LEMD2: variants seen among roughly 807,000 people sequenced by gnomAD.
LEMD2 encodes the protein LEM domain-containing protein 2.
Under a neutral mutation model 58.8 loss-of-function variants are expected in LEMD2, and 34 were observed. The ratio of observed to expected loss-of-function variants is 0.58; its 90% CI spans 0.44 to 0.77. LEMD2 has a LOEUF of 0.77. Among genes scored for constraint, LEMD2 ranks in the 30% least tolerant of loss-of-function variants. The pLI is 0.00. For missense variants in LEMD2, 629 were observed against 717.9 expected, an observed-to-expected ratio of 0.88 and a Z score of 1.42; for synonymous variants, 298 against 308.9, an observed-to-expected ratio of 0.96 and a Z score of 0.37.
intron 8 of LEMD2, 29 bp from the exon 9 acceptor site, chr6:33,772,807 G>A (rs767584179): frequency 9.4e-5 from 151 of 1,604,552 alleles, no homozygotes; most frequent in Non-Finnish European, 1.2e-4. Flanking sequence ...GGCTCTGCCT[G>A]GCACTGCCGA....
In LEMD2 at chr6:33,789,108, G is replaced by T; in HGVS notation, c.9C>A (p.Gly3=). ...CCCGCCGCAGTTCCAGGTCCGACAG[G>T]CCGGCCATGGCCAGGACGCCGCCCC... MA[G]LSDLELRREL... Residue 3 remains glycine (G), a synonymous_variant, in exon 1 of 9, where the codon GGC becomes GGA. Coordinates refer to ENST00000293760, the MANE Select transcript of LEMD2 (RefSeq NM_181336.4). 6.5e-7 allele frequency: 1 copy of T among 1,528,142 alleles called. No individual in the cohort carries two copies. Among genetic ancestry groups the T allele is most frequent in the Non-Finnish European group, 8.7e-7 (1 of 1,147,856 alleles). 94.7% of individuals were successfully genotyped at this position (1,528,142 alleles called of 1,614,324 possible). A position where few individuals can be genotyped will look rare whatever the true frequency, so the allele number is the denominator to read the frequency against.
chr6:33,775,088 T>C (rs1301638321), intron 8 of LEMD2, among the ~76,000 whole-genome samples: 1 of 152,196 alleles, frequency 6.6e-6, no homozygotes, highest in Non-Finnish European at 1.5e-5. Flanking sequence ...GAGATGCTCA[T>C]TGTCACGATA....
chr6:33,773,042 C>T (rs1004851071), intron 8 of LEMD2, among the ~76,000 whole-genome samples: 12 of 152,174 alleles, frequency 7.9e-5, no homozygotes, highest in African/African-American at 2.7e-4. Context: ...CCCAGGTCTC[C>T]AGGTGTGCAG....
In LEMD2 at chr6:33,771,989, C is replaced by T. The variant is rs1446520533; in HGVS notation, c.*639G>A. The stretch of plus-strand genomic sequence containing the variant: ...TCCTCTCTGCTCTCAGCCCCAGTCC[C>T]TACTTCGGGATCCTCCCAGGAGGCT... On this transcript the variant is annotated 3_prime_UTR_variant, in exon 9 of 9. Transcript: ENST00000293760. 6.6e-6 allele frequency: 1 copy of T among 152,574 alleles called. No homozygotes were observed. The highest frequency in any genetic ancestry group is 1.5e-5 in the Non-Finnish European group (1 of 68,160). The allele number at this position is 152,574 out of a possible 1,614,324, so 9.5% of individuals were successfully genotyped here. A position where few individuals can be genotyped will look rare whatever the true frequency, so the allele number is the denominator to read the frequency against.
intron 1 of LEMD2, chr6:33,787,003 A>C: frequency 2.1e-6 from 2 of 946,960 alleles, no homozygotes; most frequent in Non-Finnish European, 2.9e-6. Flanking sequence ...CCAGCTGAAA[A>C]TGATTAGCTC....
At chr6:33,788,326 C>T in intron 1 of LEMD2, 55 bp downstream of exon 1, 2 of 1,489,024 alleles carry the variant, frequency 1.3e-6, no homozygotes, top group Admixed American at 2.1e-5. Context: ...ACGGGGGGTC[C>T]TCCGGCGGAC....
Position 33,772,694 on chromosome 6 carries a change from A to C in LEMD2, c.1446T>G (p.Val482=). The change falls in exon 9 of 9, where the codon GTT becomes GTG. Residue 482 remains valine, a synonymous_variant. Transcript: ENST00000293760. ...TCCACACCAGCATGTCCTCTCCTGCAACGCGGTGGGACTCCGTCTGGATCC... is the reference window on the plus strand; with the variant it reads ...TCCACACCAGCATGTCCTCTCCTGCCACGCGGTGGGACTCCGTCTGGATCC... ...ESRIQTESHR[V]AGEDMLVWRW... is the part of the protein sequence containing the mutation. 1 of 1,614,090 alleles carries C rather than the reference A, an allele frequency of 6.2e-7. No homozygotes were observed. The highest frequency in any genetic ancestry group is 8.5e-7 in the Non-Finnish European group (1 of 1,180,008).
At chr6:33,788,243 G>T in intron 1 of LEMD2, 138 bp downstream of exon 1, 1 of 894,920 alleles carries the variant, frequency 1.1e-6, no homozygotes, top group Non-Finnish European at 1.6e-6. Context: ...CTGGAAGAAG[G>T]CAGGCCTGGA....
Position 33,778,628 on chromosome 6 carries a change from CT to C in LEMD2, c.1011-242del, listed in dbSNP as rs1767493882. On this transcript the variant is annotated intron_variant, in intron 5 of 8. Coordinates refer to ENST00000293760, the MANE Select transcript of LEMD2 (RefSeq NM_181336.4). The surrounding 1 kb of genome is among the most constrained non-coding windows in gnomAD (Gnocchi z 4.7). Reference sequence around the variant, plus strand: ...CCCCTACCGCTAAAGCAACGTCCCCCTGTCAGGTCTTTGACAGCCTCTCTCA... The same window carrying C: ...CCCCTACCGCTAAAGCAACGTCCCCCGTCAGGTCTTTGACAGCCTCTCTCA... 2.7e-6 allele frequency: 1 copy of C among 363,780 alleles called. No homozygotes were observed. The highest frequency in any genetic ancestry group is 4.6e-5 in the Admixed American group (1 of 21,812). The allele number at this position is 363,780 out of a possible 1,614,324, so 22.5% of individuals were successfully genotyped here.
rs1030198123 is a variant in LEMD2, at chr6:33,778,532, A to AGGAT, written c.1011-146_1011-145insATCC. The AGGAT allele has an allele frequency of 9.0e-6, 5 of 552,866 alleles. No individual in the cohort carries two copies. The highest frequency in any genetic ancestry group is 1.2e-5 in the Non-Finnish European group (4 of 342,218). The allele number at this position is 552,866 out of a possible 1,614,324, so 34.2% of individuals were successfully genotyped here. A position where few individuals can be genotyped will look rare whatever the true frequency, so the allele number is the denominator to read the frequency against. On this transcript the variant is annotated intron_variant, in intron 5 of 8. Transcript: ENST00000293760. This position sits in a 1 kb window ranked among gnomAD's most constrained non-coding sequence, Gnocchi z 4.7. ...AGAATAGGCTTGGTATCCTGGCTGC[A>AGGAT]TTCTTTCCAGAAATTTCCCACATTG...
At position 33,778,458 on chromosome 6, in the gene LEMD2, A is replaced by G. The variant is rs1582255696; in HGVS notation, c.1011-71T>C. On this transcript the variant is annotated intron_variant, in intron 5 of 8. Transcript: ENST00000293760. This position sits in a 1 kb window ranked among gnomAD's most constrained non-coding sequence, Gnocchi z 4.7. ...AGAGGCAGTGCAAGCCCCACTTCAAACAGGAGGAAGCGAAGGAAAGTGGGG... is the reference window on the plus strand; with the variant it reads ...AGAGGCAGTGCAAGCCCCACTTCAAGCAGGAGGAAGCGAAGGAAAGTGGGG... The G allele has an allele frequency of 8.4e-6, 11 of 1,306,038 alleles. No homozygotes were observed. The East Asian group carries it at 3.0e-4, about 35-fold the overall frequency. The allele number at this position is 1,306,038 out of a possible 1,614,324, so 80.9% of individuals were successfully genotyped here.
intron 1 of LEMD2, among the ~76,000 whole-genome samples, chr6:33,787,469 T>C (rs892988150): frequency 6.6e-6 from 1 of 152,274 alleles, no homozygotes; most frequent in African/African-American, 2.4e-5. Context: ...AGACATACTT[T>C]AGCTTTTTCC....
At chr6:33,783,076 G>A (rs1429280421) in intron 3 of LEMD2, among the ~76,000 whole-genome samples, 1 of 152,232 alleles carries the variant, frequency 6.6e-6, no homozygotes, top group Non-Finnish European at 1.5e-5. Context: ...TACAGACTCT[G>A]ATTCACTGGG....
intron 2 of LEMD2, among the ~76,000 whole-genome samples, chr6:33,785,766 T>C (rs1767663118): frequency 6.6e-6 from 1 of 152,220 alleles, no homozygotes; most frequent in Non-Finnish European, 1.5e-5. Flanking sequence ...GAAGGCAGAT[T>C]AAACTTACTA....
intron 6 of LEMD2, among the ~76,000 whole-genome samples, chr6:33,777,907 C>G (rs1012341727): frequency 6.6e-6 from 1 of 152,210 alleles, no homozygotes; most frequent in Non-Finnish European, 1.5e-5. Flanking sequence ...GCCTCCTGCT[C>G]GAAGCTGGTC....
At position 33,778,186 on chromosome 6, in the gene LEMD2, T is replaced by C. The variant is rs1767479782; in HGVS notation, c.1156+56A>G. On this transcript the variant is annotated intron_variant, in intron 6 of 8. Transcript: ENST00000293760. The surrounding 1 kb of genome is among the most constrained non-coding windows in gnomAD (Gnocchi z 4.7). ...TGGAATTTCTATAGCTCATCATTCA[T>C]GCCTAGGAGTATGCTTGACTGCACA... 2.0e-6 allele frequency: 3 copies of C among 1,482,018 alleles called. No individual in the cohort carries two copies. The highest frequency in any genetic ancestry group is 1.4e-5 in the South Asian group (1 of 72,716). 91.8% of individuals were successfully genotyped at this position (1,482,018 alleles called of 1,614,324 possible).
At chr6:33,780,312 G>GGA (rs1767536901) in intron 4 of LEMD2, 133 bp from the exon 5 acceptor site, 1 of 777,990 alleles carries the variant, frequency 1.3e-6, no homozygotes, top group Non-Finnish European at 2.2e-6. Context: ...TAAAAGCACA[G>GGA]CAAAGTGGCA....
chr6:33,787,209 T>C lies in LEMD2; in HGVS notation c.737-435A>G, dbSNP rs549349861. 2.2e-3 allele frequency: 405 copies of C among 180,686 alleles called. 2 individuals carry two copies. The highest frequency in any genetic ancestry group is 3.6e-3 in the Non-Finnish European group (305 of 85,704). 11.2% of individuals were successfully genotyped at this position (180,686 alleles called of 1,614,324 possible). A position where few individuals can be genotyped will look rare whatever the true frequency, so the allele number is the denominator to read the frequency against. On this transcript the variant is annotated intron_variant, in intron 1 of 8. Transcript: ENST00000293760. ...AAGTCCAGGTAAATACCAGCATACA[T>C]TCTAGCGCTGTTGTCTTAAAGCATC... is the stretch of plus-strand genomic sequence containing the variant.
intron 3 of LEMD2, among the ~76,000 whole-genome samples, chr6:33,784,134 G>A (rs113749766): frequency 6.6e-6 from 1 of 152,226 alleles, no homozygotes; most frequent in Admixed American, 6.5e-5. Flanking sequence ...CCTTAAAGAG[G>A]AGCAAGAATC....
Sources: allele counts gnomAD v4.1 joint callset (sites outside exome capture counted in the v4.1 genomes callset), GRCh38; gene constraint gnomAD v4.1.1; non-coding constraint Gnocchi (gnomAD v3.1); transcripts MANE v1.5; gene names NCBI Gene and HGNC (gene_info 2026-07-23, HGNC 2026-07-21).